Variants in PCDHGB6 observed in about 807,000 individuals in gnomAD.
PCDHGB6 encodes protocadherin gamma subfamily B, 6.
In PCDHGB6, 51 loss-of-function variants were observed where a neutral mutation model predicts 59.1. The observed-to-expected ratio is 0.86, with a 90% CI of 0.69 to 1.09. The LOEUF is 1.09. Among genes scored for constraint, PCDHGB6 ranks in the 50% least tolerant of loss-of-function variants. The probability of loss-of-function intolerance (pLI) is 0.00; values close to 1 mark genes in which losing one functional copy is unlikely to be tolerated. For missense variants in PCDHGB6, 1,148 were observed against 1,205.1 expected (o/e 0.95, Z 0.70); for synonymous variants, 466 against 495.1 (o/e 0.94, Z 0.78).
chr5:141,465,688 G>C (rs1386213425), intron 1 of PCDHGB6, among the ~76,000 whole-genome samples: 1 of 152,086 alleles, frequency 6.6e-6, no homozygotes, highest in African/African-American at 2.4e-5. Context: ...TGACCAGTCT[G>C]CTTTTGCATT....
chr5:141,423,626 T>C (rs745796529), intron 1 of PCDHGB6: 1 of 1,606,498 alleles, frequency 6.2e-7, no homozygotes, highest in South Asian at 1.1e-5. Context: ...GACTCAGCTA[T>C]CATTTTAGGC....
In PCDHGB6 at chr5:141,485,636, G is replaced by A. The variant is rs371040974; in HGVS notation, c.2419-9171G>A. The A allele has an allele frequency of 6.2e-7, 1 of 1,611,922 alleles. No homozygotes were observed. The highest frequency in any genetic ancestry group is 1.1e-5 in the South Asian group (1 of 90,964). On this transcript the variant is annotated intron_variant, in intron 1 of 3. Transcript: ENST00000520790. This position sits in a 1 kb window ranked among gnomAD's most constrained non-coding sequence, Gnocchi z 5.7. ...TCCTCCAGGACAGCGTTTCCCGTTG[G>A]AAAAGGCTCAGGATGCAGATGTGGG...
In PCDHGB6 at chr5:141,423,562, A is replaced by G. The variant is rs374427537; in HGVS notation, c.2418+12942A>G. On this transcript the variant is annotated intron_variant, in intron 1 of 3. Coordinates refer to ENST00000520790, the MANE Select transcript of PCDHGB6 (RefSeq NM_018926.3). ...TTTCCCCCAGCCCAACTATGGGGAC[A>G]CGCTCATCAGCCAGGAGAGCTGTGA... is the stretch of plus-strand genomic sequence containing the variant. 7 of 1,613,498 alleles carry G rather than the reference A, an allele frequency of 4.3e-6. No homozygotes were observed. The African/African-American group carries it at 8.0e-5, about 18-fold the overall frequency.
chr5:141,433,174 G>A (rs1298757358), intron 1 of PCDHGB6: 1 of 1,610,308 alleles, frequency 6.2e-7, no homozygotes, highest in Non-Finnish European at 8.5e-7. Context: ...ACAGTCATGG[G>A]TTAATTGAGG....
chr5:141,500,394 A>G (rs1024641290), intron 2 of PCDHGB6, among the ~76,000 whole-genome samples: 1 of 151,922 alleles, frequency 6.6e-6, no homozygotes, highest in Non-Finnish European at 1.5e-5. Flanking sequence ...TATTTTTAGT[A>G]GAGACGGGGT....
intron 1 of PCDHGB6, chr5:141,441,114 T>A (rs1239606502): frequency 6.6e-6 from 1 of 152,218 alleles, no homozygotes; most frequent in Non-Finnish European, 1.5e-5. Context: ...TTGTCCAGTG[T>A]ACAGTTGAGA....
intron 1 of PCDHGB6, among the ~76,000 whole-genome samples, chr5:141,469,315 G>A (rs1160946697): frequency 6.6e-6 from 1 of 151,866 alleles, no homozygotes; most frequent in African/African-American, 2.4e-5. Flanking sequence ...GATGGCTCAC[G>A]CCTGTAATCC....
chr5:141,477,845 GT>G lies in PCDHGB6; in HGVS notation c.2419-16961del, dbSNP rs1562065234. ...ATATCCTCGGCCAGGTGGGAGCTCG[GT>G]GGAGATGCTGCCTCGAGGTACCTCA... is the stretch of plus-strand genomic sequence containing the variant. On this transcript the variant is annotated intron_variant, in intron 1 of 3. Coordinates refer to ENST00000520790, the MANE Select transcript of PCDHGB6 (RefSeq NM_018926.3). This position sits in a 1 kb window ranked among gnomAD's most constrained non-coding sequence, Gnocchi z 4.9. 1 of 1,614,038 alleles carries G rather than the reference GT, an allele frequency of 6.2e-7. No homozygotes were observed. Among genetic ancestry groups the G allele is most frequent in the East Asian group, 2.2e-5 (1 of 44,896 alleles).
Position 141,409,179 on chromosome 5 carries a change from G to A in PCDHGB6, c.977G>A (p.Gly326Asp). 1 of 1,613,988 alleles carries A rather than the reference G, an allele frequency of 6.2e-7. No homozygotes were observed. ...TMEVEAKDGG[G>D]LSTQCKVIIE... ...GAAGTGGAAGCGAAGGACGGAGGTGGTCTCTCTACCCAGTGTAAAGTAATC... is the reference window on the plus strand; with the variant it reads ...GAAGTGGAAGCGAAGGACGGAGGTGATCTCTCTACCCAGTGTAAAGTAATC... Residue 326 changes from glycine (G) to aspartate (D), a missense_variant, in exon 1 of 4, where the codon GGT becomes GAT. By Grantham distance (94) the Gly-to-Asp change is moderately conservative. Coordinates refer to ENST00000520790, the MANE Select transcript of PCDHGB6 (RefSeq NM_018926.3).
Position 141,432,093 on chromosome 5 carries a change from CCAACGA to C in PCDHGB6, c.2418+21478_2418+21483del. 1.2e-6 allele frequency: 2 copies of C among 1,614,170 alleles called. No individual in the cohort carries two copies. The highest frequency in any genetic ancestry group is 1.7e-6 in the Non-Finnish European group (2 of 1,180,046). On this transcript the variant is annotated intron_variant, in intron 1 of 3. Coordinates refer to ENST00000520790, the MANE Select transcript of PCDHGB6 (RefSeq NM_018926.3). The surrounding 1 kb of genome is among the most constrained non-coding windows in gnomAD (Gnocchi z 6.0). ...CATATCTCGCTGAACGTGGCAGACA[CCAACGA>C]CAACCCGCCGGTCTTCCCTCAGGCC...
rs1032345173 is a variant in PCDHGB6 at position 141,468,852 on chromosome 5, C to T, written c.2419-25955C>T. Among the ~76,000 whole-genome samples the T allele has an allele frequency of 7.2e-5, 11 of 151,868 alleles. No individual in the cohort carries two copies. In the East Asian group the frequency reaches 9.7e-4, roughly 13 times the overall value. On this transcript the variant is annotated intron_variant, in intron 1 of 3. Transcript: ENST00000520790. ...CTGCACTCCAGCCTGGGCAACAGAG[C>T]GAGACTCCATCTCAAAAATAATAAT... is the stretch of plus-strand genomic sequence containing the variant.
intron 1 of PCDHGB6, among the ~76,000 whole-genome samples, chr5:141,460,737 G>GTA (rs1393989215): frequency 2.0e-5 from 3 of 150,700 alleles, no homozygotes; most frequent in East Asian, 1.9e-4. Context: ...TATACACATT[G>GTA]TATATATATG....
chr5:141,417,641 C>G (rs1266850894), intron 1 of PCDHGB6: 12 of 779,426 alleles, frequency 1.5e-5, no homozygotes, highest in Non-Finnish European at 2.1e-5. Context: ...CCGGGGATCC[C>G]TCAGCCTCTA....
At chr5:141,417,117 C>A (rs1199474234) in intron 1 of PCDHGB6, 3 of 151,748 alleles carry the variant, frequency 2.0e-5, no homozygotes, top group Non-Finnish European at 4.4e-5. Context: ...TACAGGACAC[C>A]CTGGATGATG....
chr5:141,506,516 G>A (rs2099854579), intron 3 of PCDHGB6, among the ~76,000 whole-genome samples: 1 of 151,324 alleles, frequency 6.6e-6, no homozygotes, highest in Non-Finnish European at 1.5e-5. Flanking sequence ...CTGGCACCTG[G>A]CACCACCACT....
In PCDHGB6 at chr5:141,450,775, C is replaced by T. The variant is rs561501224; in HGVS notation, c.2418+40155C>T. ...GTGCCGGGATTACAGGCATGAGCCA[C>T]CGTGCCCGGACCTCATGATTGTATT... On this transcript the variant is annotated intron_variant, in intron 1 of 3. Coordinates refer to ENST00000520790, the MANE Select transcript of PCDHGB6 (RefSeq NM_018926.3). Among the ~76,000 whole-genome samples the T allele has an allele frequency of 2.3e-3, 352 of 151,748 alleles. 1 individual carries two copies. The highest frequency in any genetic ancestry group is 4.5e-3 in the Non-Finnish European group (306 of 67,958).
At chr5:141,430,752 A>C (rs772436100) in intron 1 of PCDHGB6, 1 of 1,501,400 alleles carries the variant, frequency 6.7e-7, no homozygotes, top group East Asian at 2.3e-5. Context: ...TTCTGGAGGA[A>C]GATAAGAATG....
Position 141,418,806 on chromosome 5 carries a change from C to T in PCDHGB6, c.2418+8186C>T, listed in dbSNP as rs200530054. The T allele has an allele frequency of 3.0e-5, 49 of 1,613,694 alleles. No individual in the cohort carries two copies. In the African/African-American group the frequency reaches 5.9e-4, roughly 19 times the overall value. On this transcript the variant is annotated intron_variant, in intron 1 of 3. Transcript: ENST00000520790. ...GATTTTGAAGAAGTAGAAAGATATA[C>T]GATAAACATAGAAGCAAAAGACCGA...
intron 1 of PCDHGB6, among the ~76,000 whole-genome samples, chr5:141,494,463 C>G (rs1178793763): frequency 6.6e-6 from 1 of 152,154 alleles, no homozygotes; most frequent in Non-Finnish European, 1.5e-5. Context: ...TTGTCTGCAC[C>G]TCTTCCCCCA....
Sources: allele counts gnomAD v4.1 joint callset (sites outside exome capture counted in the v4.1 genomes callset), GRCh38; gene constraint gnomAD v4.1.1; non-coding constraint Gnocchi (gnomAD v3.1); transcripts MANE v1.5; gene names NCBI Gene and HGNC (gene_info 2026-07-23, HGNC 2026-07-21).